The following NGEF variants were observed in gnomAD, a reference collection of about 807,000 sequenced individuals.
NGEF encodes the protein ephexin-1.
Under a neutral mutation model 80.9 loss-of-function variants are expected in NGEF, and 31 were observed. That is an observed-to-expected ratio of 0.38 (90% CI 0.29 to 0.52). The LOEUF is 0.52. Ranked by LOEUF, NGEF falls within the 20% of genes least tolerant of loss-of-function variation. The pLI, the probability that NGEF is intolerant of heterozygous loss-of-function variation, is 0.84. For missense variants in NGEF, 709 were observed against 926.2 expected (o/e 0.77, Z 3.04); for synonymous variants, 371 against 370.2 (o/e 1.00, Z -0.03).
intron 3 of NGEF, among the ~76,000 whole-genome samples, chr2:232,961,915 C>T (rs574316964): frequency 2.6e-5 from 4 of 152,272 alleles, no homozygotes; most frequent in African/African-American, 4.8e-5. Context: ...CAGAGCAGTC[C>T]GCAGAGAGAA....
chr2:232,987,048 A>ACT (rs1478177340), intron 1 of NGEF, among the ~76,000 whole-genome samples: 2 of 151,950 alleles, frequency 1.3e-5, no homozygotes, highest in African/African-American at 4.8e-5. Flanking sequence ...ACAGAGTCTC[A>ACT]CTCTGTTGCC....
chr2:232,927,008 T>C, intron 4 of NGEF, 36 bp downstream of exon 4: 1 of 1,613,774 alleles, frequency 6.2e-7, no homozygotes, highest in Non-Finnish European at 8.5e-7. Flanking sequence ...GACCCGCGTT[T>C]CCCAAATAAA....
At chr2:232,887,933 T>C (rs1276836659) in intron 9 of NGEF, 100 bp downstream of exon 9, 2 of 917,754 alleles carry the variant, frequency 2.2e-6, no homozygotes, top group African/African-American at 1.6e-5. Flanking sequence ...TTGCATATTC[T>C]AAAAAGACAC....
chr2:232,886,351 G>A (rs1241480445), intron 9 of NGEF, among the ~76,000 whole-genome samples: 1 of 151,352 alleles, frequency 6.6e-6, no homozygotes, highest in African/African-American at 2.4e-5. Flanking sequence ...TGTGTGATGA[G>A]GGGCCATGTG....
chr2:232,909,972 C>T (rs887746829), intron 5 of NGEF, among the ~76,000 whole-genome samples: 1 of 152,236 alleles, frequency 6.6e-6, no homozygotes, highest in African/African-American at 2.4e-5. Context: ...ATGGTACACA[C>T]CACCATATGG....
chr2:232,886,141 C>T (rs199536969), intron 9 of NGEF, among the ~76,000 whole-genome samples: 1 of 97,940 alleles, frequency 1.0e-5, no homozygotes, highest in Non-Finnish European at 2.3e-5. Flanking sequence ...GCAGTGTGTG[C>T]TGTGTATGCA....
intron 1 of NGEF, among the ~76,000 whole-genome samples, chr2:233,009,015 T>A (rs949433349): frequency 3.3e-5 from 5 of 152,202 alleles, no homozygotes; most frequent in Non-Finnish European, 7.3e-5. Context: ...CAGGCTGGTC[T>A]TGAACTCCTG....
rs1354437441 is a variant in NGEF at position 232,995,272 on chromosome 2, CTGTGTACAGTATGTATACTGTATA to C, written c.-75+17772_-75+17795del. On this transcript the variant is annotated intron_variant, in intron 1 of 14. Transcript: ENST00000264051. ...ACTGTATATGTGTACAGTATGTATGCTGTGTACAGTATGTATACTGTATATGTGTACAGTATGTATACTGTATAT... is the reference window on the plus strand; with the variant it reads ...ACTGTATATGTGTACAGTATGTATGCTGTGTACAGTATGTATACTGTATAT... Among the ~76,000 whole-genome samples the C allele has an allele frequency of 9.8e-3, 81 of 8,238 alleles. 31 individuals are homozygous for C. In the South Asian group the frequency reaches 0.12, roughly 12 times the overall value. The allele number at this position is 8,238 out of a possible 152,430, so 5.4% of individuals were successfully genotyped here.
At position 232,913,114 on chromosome 2, in the gene NGEF, C is replaced by T. The variant is rs1273085727; in HGVS notation, c.828+7170G>A. On this transcript the variant is annotated intron_variant, in intron 5 of 14. Coordinates refer to ENST00000264051, the MANE Select transcript of NGEF (RefSeq NM_019850.3). ...AGGCTATTGTTTTGAAAGCTATCTG[C>T]TTTCTTAAATAAACATAATGCTATA... 3.3e-5 allele frequency among the ~76,000 whole-genome samples: 5 copies of T among 152,178 alleles called. No homozygotes were observed. In the East Asian group the frequency reaches 7.7e-4, roughly 23 times the overall value.
In NGEF at chr2:232,884,052, G is replaced by A. The variant is rs1180841257; in HGVS notation, c.1530C>T (p.Thr510=). ...SGPKTSRTLR[T]KKLFHEIYLF... ...GGTAAATTTCGTGGAAGAGCTTCTTGGTCCTCAGGGTCCGGGAGGTCTTGG... is the reference window on the plus strand; with the variant it reads ...GGTAAATTTCGTGGAAGAGCTTCTTAGTCCTCAGGGTCCGGGAGGTCTTGG... Residue 510 remains threonine (T), a synonymous_variant, in exon 11 of 15, where the codon ACC becomes ACT. Transcript: ENST00000264051. 3 of 1,612,952 alleles carry A rather than the reference G, an allele frequency of 1.9e-6. No individual in the cohort carries two copies. Among genetic ancestry groups the A allele is most frequent in the African/African-American group, 2.7e-5 (2 of 74,884 alleles).
chr2:232,920,125 CAT>C (rs1316632954), intron 5 of NGEF, among the ~76,000 whole-genome samples, 157 bp downstream of exon 5: 7 of 152,188 alleles, frequency 4.6e-5, no homozygotes, highest in Non-Finnish European at 2.9e-5. Context: ...CCTGTGAAAC[CAT>C]GTTTATTTTT....
At chr2:232,925,530 C>T (rs534673715) in intron 4 of NGEF, among the ~76,000 whole-genome samples, 2 of 152,304 alleles carry the variant, frequency 1.3e-5, no homozygotes, top group African/African-American at 4.8e-5. Flanking sequence ...CACTAGAGCT[C>T]GGGACCCTGC....
chr2:232,899,170 T>C (rs1265774254), intron 5 of NGEF, among the ~76,000 whole-genome samples: 1 of 151,870 alleles, frequency 6.6e-6, no homozygotes, highest in East Asian at 1.9e-4. Context: ...GGTGAATGTG[T>C]ATGAAGGTGA....
chr2:232,952,085 G>A (rs150116109), intron 3 of NGEF, among the ~76,000 whole-genome samples: 102 of 152,334 alleles, frequency 6.7e-4, no homozygotes, highest in African/African-American at 2.2e-3. Flanking sequence ...CCTTCAAGCC[G>A]TCTTAGCAGG....
intron 1 of NGEF, among the ~76,000 whole-genome samples, chr2:233,008,899 C>A (rs1406434379): frequency 6.6e-6 from 1 of 151,620 alleles, no homozygotes; most frequent in Non-Finnish European, 1.5e-5. Context: ...CTCCCTGGTT[C>A]AAGTGATTCT....
At position 232,891,061 on chromosome 2, in the gene NGEF, G is replaced by GC. The variant is rs1434652501; in HGVS notation, c.1272+296dup. 14 of 523,592 alleles carry GC rather than the reference G, an allele frequency of 2.7e-5. 1 individual carries two copies. The highest frequency in any genetic ancestry group is 4.2e-5 in the Non-Finnish European group (11 of 261,590). 32.4% of individuals were successfully genotyped at this position (523,592 alleles called of 1,614,324 possible). Reference sequence around the variant, plus strand: ...ACACGTCACGTGTCTTTCCTGACCCGCCCCCATCGCTGCAACTGGCAGTGG... The same window carrying GC: ...ACACGTCACGTGTCTTTCCTGACCCGCCCCCCATCGCTGCAACTGGCAGTGG... On this transcript the variant is annotated intron_variant, in intron 8 of 14. Transcript: ENST00000264051.
intron 5 of NGEF, among the ~76,000 whole-genome samples, chr2:232,913,379 T>C (rs528769746): frequency 6.6e-6 from 1 of 152,342 alleles, no homozygotes; most frequent in South Asian, 2.1e-4. Context: ...TTTCAGTGTG[T>C]TAAGGAGAGT....
At chr2:232,895,142 CAG>C (rs1440774079) in intron 5 of NGEF, among the ~76,000 whole-genome samples, 1 of 152,170 alleles carries the variant, frequency 6.6e-6, no homozygotes, top group East Asian at 1.9e-4. Flanking sequence ...CCTAAGGTGA[CAG>C]GGCACGGAGG....
At chr2:233,008,923 C>A (rs909829830) in intron 1 of NGEF, among the ~76,000 whole-genome samples, 58 of 152,068 alleles carry the variant, frequency 3.8e-4, no homozygotes, top group African/African-American at 1.2e-3. Context: ...GCCTCAGCCT[C>A]CCGAGTAGCT....
Sources: gnomAD v4.1 joint callset for allele counts (sites outside exome capture counted in the v4.1 genomes callset) on GRCh38, gnomAD v4.1.1 for gene constraint, MANE v1.5 for transcripts, NCBI Gene and HGNC (gene_info 2026-07-23, HGNC 2026-07-21) for gene names.